ELOVL6: variants seen among roughly 807,000 people sequenced by gnomAD.
ELOVL6 encodes the protein ELOVL fatty acid elongase 6.
ELOVL6 carries 8 observed loss-of-function variants against 31.7 expected under a neutral mutation model. The observed-to-expected ratio is 0.25, with a 90% CI of 0.15 to 0.45. The LOEUF (loss-of-function observed/expected upper bound fraction) is 0.45. ELOVL6 is among the 20% of genes least tolerant of loss of function. The pLI is 1.00. For synonymous variants in ELOVL6, 101 were observed against 117.7 expected (o/e 0.86, Z 0.92); for missense variants, 126 against 326.4 (o/e 0.39, Z 4.73).
chr4:110,196,937 A>G (rs933485865), intron 1 of ELOVL6, among the ~76,000 whole-genome samples: 43 of 152,158 alleles, frequency 2.8e-4, no homozygotes, highest in Admixed American at 2.3e-3. Context: ...CGGCGACTCC[A>G]GGGGGCTGGA....
At chr4:110,100,114 A>AGTTG (rs1196234763) in intron 2 of ELOVL6, among the ~76,000 whole-genome samples, 1 of 152,198 alleles carries the variant, frequency 6.6e-6, no homozygotes, top group Non-Finnish European at 1.5e-5. Context: ...TGTAGGTGGA[A>AGTTG]GTTGGTCACT....
rs1306689184 is a variant in ELOVL6 at position 110,198,531 on chromosome 4, C to T, written c.-196G>A. On this transcript the variant is annotated 5_prime_UTR_variant, in exon 1 of 4. Coordinates refer to ENST00000302274, the MANE Select transcript of ELOVL6 (RefSeq NM_024090.3). Reference sequence around the variant, plus strand: ...CAGGGCTGAGCATTGCCTGCGCCTCCGCTCCCAGCTCCTCTCTCTGGGGCT... The same window carrying T: ...CAGGGCTGAGCATTGCCTGCGCCTCTGCTCCCAGCTCCTCTCTCTGGGGCT... 1.3e-5 allele frequency: 7 copies of T among 541,820 alleles called. No individual in the cohort carries two copies. Among genetic ancestry groups the T allele is most frequent in the South Asian group, 2.4e-5 (1 of 40,930 alleles). 33.6% of individuals were successfully genotyped at this position (541,820 alleles called of 1,614,324 possible).
At chr4:110,194,618 T>C (rs1034989070) in intron 1 of ELOVL6, among the ~76,000 whole-genome samples, 2 of 152,228 alleles carry the variant, frequency 1.3e-5, no homozygotes, top group South Asian at 2.1e-4. Flanking sequence ...TTAGGGTTTA[T>C]ACAAATGCTA....
intron 2 of ELOVL6, among the ~76,000 whole-genome samples, chr4:110,066,232 G>A (rs1755294870): frequency 6.6e-6 from 1 of 152,120 alleles, no homozygotes; most frequent in South Asian, 2.1e-4. Context: ...TCCAGAGTAG[G>A]AAGAATATCC....
chr4:110,054,735 A>G (rs1252407714), intron 3 of ELOVL6, among the ~76,000 whole-genome samples: 2 of 152,156 alleles, frequency 1.3e-5, no homozygotes, highest in Admixed American at 6.5e-5. Flanking sequence ...GGAAGGTACA[A>G]TTCTGGAGTT....
At chr4:110,084,588 ATTTTTT>A (rs1168880044) in intron 2 of ELOVL6, among the ~76,000 whole-genome samples, 32 of 29,618 alleles carry the variant, frequency 1.1e-3, no homozygotes, top group East Asian at 6.3e-3. Context: ...ATATATATAT[ATTTTTT>A]TTTTTTTTTT....
In ELOVL6 at chr4:110,090,640, C is replaced by G. The variant is rs1027707244; in HGVS notation, c.221+14857G>C. Among the ~76,000 whole-genome samples, 3 of 117,130 alleles carry G rather than the reference C, an allele frequency of 2.6e-5. 1 individual carries two copies. The highest frequency in any genetic ancestry group is 1.1e-4 in the African/African-American group (3 of 27,970). 76.8% of individuals were successfully genotyped at this position (117,130 alleles called of 152,430 possible). A position where few individuals can be genotyped will look rare whatever the true frequency, so the allele number is the denominator to read the frequency against. ...TTTTTTCATGAGACGGAGTCTCGCT[C>G]TGTCGCCAGGCTGGAGTGCAGTGGC... On this transcript the variant is annotated intron_variant, in intron 2 of 3. Transcript: ENST00000302274.
chr4:110,126,637 A>T (rs1355094748), intron 1 of ELOVL6, among the ~76,000 whole-genome samples: 2 of 152,184 alleles, frequency 1.3e-5, no homozygotes, highest in Non-Finnish European at 2.9e-5. Context: ...TTACCAGCTA[A>T]TCTTATGTGT....
chr4:110,181,370 C>T (rs1032398513), intron 1 of ELOVL6, among the ~76,000 whole-genome samples: 1 of 152,056 alleles, frequency 6.6e-6, no homozygotes, highest in Non-Finnish European at 1.5e-5. Context: ...ATCACCAGAG[C>T]CCGGGAGGTT....
chr4:110,084,260 G>GATATATATCACATATAA lies in ELOVL6; in HGVS notation c.221+21236_221+21237insTTATATGTGATATATAT, dbSNP rs1560814751. On this transcript the variant is annotated intron_variant, in intron 2 of 3. Transcript: ENST00000302274. ...ACATATATGATATATATAACATATAGCTTATATGTGATATATAACATATAT... is the reference window on the plus strand; with the variant it reads ...ACATATATGATATATATAACATATAGATATATATCACATATAACTTATATGTGATATATAACATATAT... 1.2e-3 allele frequency among the ~76,000 whole-genome samples: 98 copies of GATATATATCACATATAA among 84,154 alleles called. 3 individuals are homozygous for GATATATATCACATATAA. Among genetic ancestry groups the GATATATATCACATATAA allele is most frequent in the African/African-American group, 4.9e-3 (92 of 18,590 alleles). The allele number at this position is 84,154 out of a possible 152,430, so 55.2% of individuals were successfully genotyped here. A position where few individuals can be genotyped will look rare whatever the true frequency, so the allele number is the denominator to read the frequency against.
chr4:110,152,850 C>A (rs1390503730), intron 1 of ELOVL6, among the ~76,000 whole-genome samples: 2 of 152,200 alleles, frequency 1.3e-5, no homozygotes, highest in African/African-American at 2.4e-5. Flanking sequence ...CATTTTACTG[C>A]ACTGTCCTAG....
intron 1 of ELOVL6, among the ~76,000 whole-genome samples, chr4:110,169,463 T>C (rs536702456): frequency 6.6e-6 from 1 of 151,860 alleles, no homozygotes; most frequent in Non-Finnish European, 1.5e-5. Context: ...GGCTGGCCTG[T>C]AACTCCTGAC....
intron 2 of ELOVL6, among the ~76,000 whole-genome samples, chr4:110,066,082 G>T (rs1041836158): frequency 6.6e-6 from 1 of 152,114 alleles, no homozygotes; most frequent in Non-Finnish European, 1.5e-5. Context: ...ACAATCAAAG[G>T]GGGGTGGGAG....
chr4:110,193,326 C>T lies in ELOVL6; in HGVS notation c.89+4921G>A, dbSNP rs150897875. Among the ~76,000 whole-genome samples, 892 of 152,230 alleles carry T rather than the reference C, an allele frequency of 5.9e-3. 21 individuals are homozygous for T. The highest frequency in any genetic ancestry group is 9.9e-3 in the East Asian group (51 of 5,172). ...AACTCCTTTTAAAATGTTTCACGGC[C>T]GGTTGCAGTGGCTCAAGCCTGTTAT... On this transcript the variant is annotated intron_variant, in intron 1 of 3. Coordinates refer to ENST00000302274, the MANE Select transcript of ELOVL6 (RefSeq NM_024090.3).
At chr4:110,073,332 G>A (rs1489587773) in intron 2 of ELOVL6, among the ~76,000 whole-genome samples, 2 of 151,974 alleles carry the variant, frequency 1.3e-5, no homozygotes, top group East Asian at 3.9e-4. Flanking sequence ...TAACCTCAGG[G>A]TAGGAAAAAC....
chr4:110,108,983 A>G (rs1006914459), intron 1 of ELOVL6, among the ~76,000 whole-genome samples: 1 of 152,216 alleles, frequency 6.6e-6, no homozygotes, highest in Non-Finnish European at 1.5e-5. Context: ...CATATTGCTT[A>G]GAAGAAGGTA....
intron 1 of ELOVL6, among the ~76,000 whole-genome samples, chr4:110,148,597 A>G (rs550679497): frequency 1.3e-5 from 2 of 152,200 alleles, no homozygotes; most frequent in African/African-American, 4.8e-5. Context: ...AGCATAGTCA[A>G]TAATTTAATT....
At chr4:110,194,896 C>T (rs1468151387) in intron 1 of ELOVL6, among the ~76,000 whole-genome samples, 2 of 152,168 alleles carry the variant, frequency 1.3e-5, no homozygotes, top group Non-Finnish European at 2.9e-5. Flanking sequence ...TCTAAATTAA[C>T]AAGTTTTGCC....
chr4:110,110,922 A>G (rs1417010742), intron 1 of ELOVL6, among the ~76,000 whole-genome samples: 1 of 152,214 alleles, frequency 6.6e-6, no homozygotes, highest in African/African-American at 2.4e-5. Context: ...TTGAGTTGTA[A>G]GCACTTTACC....
Sources: allele counts gnomAD v4.1 joint callset (sites outside exome capture counted in the v4.1 genomes callset), GRCh38; gene constraint gnomAD v4.1.1; transcripts MANE v1.5; gene names NCBI Gene and HGNC (gene_info 2026-07-23, HGNC 2026-07-21).